COMMD7: variants seen among roughly 807,000 people sequenced by gnomAD.
COMMD7 encodes the protein COMM domain-containing protein 7.
COMMD7 carries 28 observed loss-of-function variants against 34.8 expected under a neutral mutation model. The ratio of observed to expected loss-of-function variants is 0.80; its 90% CI spans 0.60 to 1.10. COMMD7 has a LOEUF of 1.10. Among genes scored for constraint, COMMD7 ranks in the 50% least tolerant of loss-of-function variants. The pLI, the probability that COMMD7 is intolerant of heterozygous loss-of-function variation, is 0.00. For synonymous variants in COMMD7, 80 were observed against 86.4 expected, an observed-to-expected ratio of 0.93 and a Z score of 0.41; for missense variants, 211 against 241.6, an observed-to-expected ratio of 0.87 and a Z score of 0.84.
chr20:32,716,042 C>A (rs529572025), intron 3 of COMMD7, among the ~76,000 whole-genome samples: 1 of 152,016 alleles, frequency 6.6e-6, no homozygotes, highest in African/African-American at 2.4e-5. Flanking sequence ...TCTCAGGTAC[C>A]ATTGGGTCTC....
At position 32,704,849 on chromosome 20, in the gene COMMD7, A is replaced by G; in HGVS notation, c.392T>C (p.Ile131Thr). ...ARWAIGQTLM[I>T]NQLIDMEWKF... ...CCACTCCATATCTATGAGCTGGTTA[A>G]TCATCAGAGTCTGACCTATGGCCCA... The change falls in exon 6 of 9, where the codon ATT becomes ACT. Residue 131 changes from isoleucine (I) to threonine (T), a missense_variant. Coordinates refer to ENST00000278980, the MANE Select transcript of COMMD7 (RefSeq NM_053041.3). The G allele has an allele frequency of 6.2e-7, 1 of 1,614,064 alleles. No homozygotes were observed. The highest frequency in any genetic ancestry group is 8.5e-7 in the Non-Finnish European group (1 of 1,179,948).
chr20:32,715,702 G>C (rs1193973291), intron 3 of COMMD7, among the ~76,000 whole-genome samples: 1 of 152,140 alleles, frequency 6.6e-6, no homozygotes, highest in Non-Finnish European at 1.5e-5. Flanking sequence ...AGCTACTCGG[G>C]AGGCTGAGGT....
intron 1 of COMMD7, among the ~76,000 whole-genome samples, chr20:32,739,231 C>T (rs1017998831): frequency 1.3e-5 from 2 of 152,076 alleles, no homozygotes; most frequent in Admixed American, 6.6e-5. Context: ...CCTTGGGAGG[C>T]CAAGATGGAT....
intron 3 of COMMD7, among the ~76,000 whole-genome samples, chr20:32,709,890 T>C (rs1443971732): frequency 7.1e-6 from 1 of 140,870 alleles, no homozygotes; most frequent in Non-Finnish European, 1.6e-5. Context: ...CTTTTTTTAC[T>C]TTTTTTTTTT....
At chr20:32,724,236 T>A (rs1985374948) in intron 3 of COMMD7, among the ~76,000 whole-genome samples, 1 of 18,292 alleles carries the variant, frequency 5.5e-5, no homozygotes, top group Non-Finnish European at 1.4e-4. Context: ...GGAGCCCCTC[T>A]GCCTGGCCAG....
At chr20:32,705,496 C>G (rs989856684) in intron 5 of COMMD7, among the ~76,000 whole-genome samples, 1 of 151,812 alleles carries the variant, frequency 6.6e-6, no homozygotes, top group Non-Finnish European at 1.5e-5. Flanking sequence ...GCCTCAGCCT[C>G]CCAAGTAGCT....
At chr20:32,715,794 G>A (rs1052080491) in intron 3 of COMMD7, among the ~76,000 whole-genome samples, 2 of 151,940 alleles carry the variant, frequency 1.3e-5, no homozygotes, top group South Asian at 2.1e-4. Flanking sequence ...GTGACAGAGC[G>A]AGATTCTGTC....
chr20:32,742,607 G>A (rs4911105), intron 1 of COMMD7: 87,685 of 152,052 alleles, frequency 0.58, 27,652 homozygotes, highest in East Asian at 0.92. Context: ...CCCTACCATC[G>A]AGGATGAAGA....
chr20:32,739,058 C>T (rs183411679), intron 1 of COMMD7, among the ~76,000 whole-genome samples: 48 of 152,288 alleles, frequency 3.2e-4, no homozygotes, highest in African/African-American at 1.1e-3. Context: ...AGTTGTTATG[C>T]ATACATTTAA....
In COMMD7 at chr20:32,703,414, G is replaced by A. The variant is rs535513070; in HGVS notation, c.571C>T (p.Arg191Ter). 19 of 1,614,002 alleles carry A rather than the reference G, an allele frequency of 1.2e-5. No homozygotes were observed. In the East Asian group the frequency reaches 2.9e-4, roughly 25 times the overall value. Residue 191 changes from arginine (R) to a stop codon, truncating the protein, a stop_gained, in exon 9 of 9, where the codon CGA becomes TGA. Coordinates refer to ENST00000278980, the MANE Select transcript of COMMD7 (RefSeq NM_053041.3). LOFTEE classifies it high-confidence loss of function. The stretch of plus-strand genomic sequence containing the variant: ...AAACACTCCATGCTGGTTCTGACTC[G>A]CTCCATCTCGTGCAGGAAGCTGTAG... The part of the protein sequence containing the change: ...QFYSFLHEME[R>*]VRTSMECFC
intron 3 of COMMD7, among the ~76,000 whole-genome samples, chr20:32,713,353 G>C (rs1004218849): frequency 3.9e-5 from 6 of 152,128 alleles, no homozygotes; most frequent in African/African-American, 1.2e-4. Flanking sequence ...CCTGGCAACA[G>C]GCACCAATTT....
chr20:32,721,228 T>C (rs1268755387), intron 3 of COMMD7, among the ~76,000 whole-genome samples: 1 of 152,084 alleles, frequency 6.6e-6, no homozygotes, highest in Non-Finnish European at 1.5e-5. Flanking sequence ...TCCCAGCACT[T>C]TCAAACTCCA....
intron 1 of COMMD7, among the ~76,000 whole-genome samples, chr20:32,731,882 A>T (rs1453773599): frequency 2.0e-5 from 3 of 152,170 alleles, no homozygotes; most frequent in Non-Finnish European, 4.4e-5. Context: ...TTAGGAAGAG[A>T]TGCACAAGGT....
At chr20:32,706,075 G>A (rs1000574349) in intron 5 of COMMD7, among the ~76,000 whole-genome samples, 5 of 151,838 alleles carry the variant, frequency 3.3e-5, no homozygotes, top group African/African-American at 4.8e-5. Flanking sequence ...GCACATGCCT[G>A]TAATCCCAGC....
At chr20:32,740,563 T>C (rs1229738892) in intron 1 of COMMD7, among the ~76,000 whole-genome samples, 1 of 152,048 alleles carries the variant, frequency 6.6e-6, no homozygotes, top group Non-Finnish European at 1.5e-5. Context: ...CTAGTGATTG[T>C]CACAGAAATC....
intron 6 of COMMD7, 139 bp from the exon 7 acceptor site, chr20:32,704,628 T>A (rs1057330443): frequency 1.6e-5 from 15 of 962,104 alleles, no homozygotes; most frequent in Non-Finnish European, 2.2e-5. Flanking sequence ...CAAGGTGTGC[T>A]TTTGGAAAGT....
chr20:32,716,486 G>A (rs978110739), intron 3 of COMMD7, among the ~76,000 whole-genome samples: 1 of 152,102 alleles, frequency 6.6e-6, no homozygotes, highest in East Asian at 1.9e-4. Context: ...GTGGTGGCAG[G>A]CGCCTGTAGT....
chr20:32,708,710 G>C (rs1984244218), intron 3 of COMMD7, among the ~76,000 whole-genome samples: 1 of 140,088 alleles, frequency 7.1e-6, no homozygotes, highest in Admixed American at 7.1e-5. Flanking sequence ...CGCCCAGGCT[G>C]GAGTGCAGTT....
intron 8 of COMMD7, 198 bp from the exon 9 acceptor site, chr20:32,703,656 G>A: frequency 7.0e-7 from 1 of 1,436,504 alleles, no homozygotes; most frequent in South Asian, 1.5e-5. Context: ...GAAAAAAAAG[G>A]GGAGTGAGTG....
Sources: gnomAD v4.1 joint callset for allele counts (sites outside exome capture counted in the v4.1 genomes callset) on GRCh38, gnomAD v4.1.1 for gene constraint, MANE v1.5 for transcripts, NCBI Gene and HGNC (gene_info 2026-07-23, HGNC 2026-07-21) for gene names.